MROH7: variants seen among roughly 807,000 people sequenced by gnomAD.
MROH7 encodes the protein maestro heat-like repeat-containing protein family member 7.
A neutral mutation model predicts 129.2 loss-of-function variants in MROH7; 113 were observed. The ratio of observed to expected loss-of-function variants is 0.87; its 90% CI spans 0.75 to 1.02. The LOEUF (loss-of-function observed/expected upper bound fraction) is 1.02, where lower values mean the gene tolerates loss of function less well. MROH7 is among the 50% of genes least tolerant of loss of function. The pLI is 0.00. For missense variants in MROH7, 1,601 were observed against 1,671.3 expected (o/e 0.96, Z 0.73); for synonymous variants, 655 against 667.9 (o/e 0.98, Z 0.30).
intron 15 of MROH7, among the ~76,000 whole-genome samples, chr1:54,689,847 A>C (rs988073616): frequency 1.3e-5 from 2 of 152,150 alleles, no homozygotes; most frequent in African/African-American, 2.4e-5. Context: ...CCATCACTCC[A>C]AAAAAATAAA....
At chr1:54,699,093 C>CTGCCTTTCTTTT (rs1406420741) in intron 17 of MROH7, 137 of 108,028 alleles carry the variant, frequency 1.3e-3, no homozygotes, top group African/African-American at 4.5e-3. Context: ...CTTGCCTGGC[C>CTGCCTTTCTTTT]TTTTCTTTCT....
chr1:54,702,307 T>TG, intron 20 of MROH7, 62 bp downstream of exon 20: 1 of 1,332,102 alleles, frequency 7.5e-7, no homozygotes, highest in Non-Finnish European at 9.8e-7. Context: ...CGCACCTCTT[T>TG]TTACGTTAAC....
intron 13 of MROH7, among the ~76,000 whole-genome samples, chr1:54,680,489 G>T (rs1389675139): frequency 1.3e-5 from 2 of 152,152 alleles, no homozygotes; most frequent in African/African-American, 4.8e-5. Context: ...TTAGGCAAAA[G>T]AAGGAAATGA....
At position 54,679,405 on chromosome 1, in the gene MROH7, T is replaced by A. The variant is rs1192220696; in HGVS notation, c.2192T>A (p.Val731Glu). The change falls in exon 12 of 24, where the codon GTG becomes GAG. Residue 731 changes from valine (V) to glutamate (E), a missense_variant. Coordinates refer to ENST00000421030, the MANE Select transcript of MROH7 (RefSeq NM_001039464.4). ...GCCTCGGAGGTCATGCTCAGCTCGG[T>A]GCTGGAGTGGTACCGCCACAGGGCG... ...QLASEVMLSS[V>E]LEWYRHRALE... The A allele has an allele frequency of 3.1e-6, 5 of 1,613,828 alleles. No homozygotes were observed. The highest frequency in any genetic ancestry group is 4.2e-6 in the Non-Finnish European group (5 of 1,179,978).
chr1:54,709,837 C>T, intron 23 of MROH7, 109 bp from the exon 24 acceptor site: 1 of 1,320,172 alleles, frequency 7.6e-7, no homozygotes, highest in South Asian at 1.4e-5. Context: ...TGAGGGGATG[C>T]CAAGCAGAGG....
At chr1:54,668,999 AC>A in intron 5 of MROH7, 62 bp downstream of exon 5, 1 of 1,286,728 alleles carries the variant, frequency 7.8e-7, no homozygotes, top group Non-Finnish European at 1.1e-6. Flanking sequence ...TCCTGAGTCC[AC>A]CCACTGATGA....
intron 7 of MROH7, among the ~76,000 whole-genome samples, chr1:54,671,271 G>A (rs56334720): frequency 5.1e-4 from 78 of 152,226 alleles, no homozygotes; most frequent in Non-Finnish European, 7.9e-4. Context: ...GTGGCAGCGG[G>A]CGCCTGTAGG....
At chr1:54,691,802 A>C (rs367818669) in intron 15 of MROH7, among the ~76,000 whole-genome samples, 2 of 90,768 alleles carry the variant, frequency 2.2e-5, no homozygotes, top group Non-Finnish European at 4.3e-5. Context: ...AAAAAAAAAA[A>C]AGTGTGTGTG....
In MROH7 at chr1:54,653,226, T is replaced by G. The variant is rs1478147462; in HGVS notation, c.300T>G (p.Cys100Trp). Reference sequence around the variant, plus strand: ...CCTCCCTCCAGATCACCAGTTCTTGTTCTGGTGAAGCCCTGGACCTGGATT... The same window carrying G: ...CCTCCCTCCAGATCACCAGTTCTTGGTCTGGTGAAGCCCTGGACCTGGATT... ...APASLQITSSCSGEALDLDSK... is the reference protein window; with the variant it reads ...APASLQITSSWSGEALDLDSK... Residue 100 changes from cysteine to tryptophan, a missense_variant, in exon 3 of 24, where the codon TGT (cysteine) becomes TGG (tryptophan). By Grantham distance (215) the Cys-to-Trp change is radical. Coordinates refer to ENST00000421030, the MANE Select transcript of MROH7 (RefSeq NM_001039464.4). 1 of 1,614,080 alleles carries G rather than the reference T, an allele frequency of 6.2e-7. No individual in the cohort carries two copies. Among genetic ancestry groups the G allele is most frequent in the African/African-American group, 1.3e-5 (1 of 74,936 alleles).
rs1553170497 is a variant in MROH7 at position 54,663,185 on chromosome 1, C to CAATT, written c.1232-1982_1232-1981insAATT. Among the ~76,000 whole-genome samples the CAATT allele has an allele frequency of 1.7e-4, 26 of 151,962 alleles. No homozygotes were observed. In the South Asian group the frequency reaches 2.1e-3, roughly 12 times the overall value. ...AATATCCCATTCCTCATCAAACTTT[C>CAATT]CATTTATTTATTTATTTATTTATTT... is the stretch of plus-strand genomic sequence containing the variant. On this transcript the variant is annotated intron_variant, in intron 3 of 23. Transcript: ENST00000421030.
intron 13 of MROH7, among the ~76,000 whole-genome samples, chr1:54,682,416 C>T (rs748619153): frequency 3.3e-5 from 5 of 152,124 alleles, no homozygotes; most frequent in Non-Finnish European, 7.4e-5. Context: ...GATCCACCCA[C>T]TTTGGCCTCC....
chr1:54,687,603 A>G (rs1258279148), intron 15 of MROH7, among the ~76,000 whole-genome samples: 1 of 152,188 alleles, frequency 6.6e-6, no homozygotes, highest in Non-Finnish European at 1.5e-5. Context: ...TCTGCATTAC[A>G]TGTTAAGGTG....
intron 19 of MROH7, 45 bp from the exon 20 acceptor site, chr1:54,702,045 G>A: frequency 6.7e-7 from 1 of 1,483,124 alleles, no homozygotes; most frequent in Middle Eastern, 1.8e-4. Context: ...GCAGTGAGTG[G>A]CGTCCCAGAG....
chr1:54,644,697 C>A (rs1342794094), intron 1 of MROH7, among the ~76,000 whole-genome samples: 1 of 151,482 alleles, frequency 6.6e-6, no homozygotes. Flanking sequence ...AAATGAGGTC[C>A]CACTGTGTTG....
intron 17 of MROH7, chr1:54,695,784 C>T: frequency 2.4e-6 from 1 of 417,600 alleles, no homozygotes. Flanking sequence ...TTGACTCTAC[C>T]CTGCCCTCAA....
intron 15 of MROH7, among the ~76,000 whole-genome samples, chr1:54,691,767 T>A (rs560310922): frequency 4.7e-4 from 70 of 149,446 alleles, no homozygotes; most frequent in Middle Eastern, 3.4e-3. Flanking sequence ...GATCGCACCA[T>A]TGCACTCCAG....
At chr1:54,680,102 C>A (rs951610446) in intron 13 of MROH7, 57 bp downstream of exon 13, 1 of 1,568,146 alleles carries the variant, frequency 6.4e-7, no homozygotes, top group Non-Finnish European at 8.7e-7. Context: ...GCAGCCCCCA[C>A]CCCAGGTTGG....
At chr1:54,677,720 T>G (rs991215135) in intron 10 of MROH7, among the ~76,000 whole-genome samples, 5 of 152,166 alleles carry the variant, frequency 3.3e-5, no homozygotes, top group African/African-American at 1.2e-4. Context: ...GGACCCAAGG[T>G]GGGCTGAAAT....
chr1:54,678,265 C>T (rs1367869889), intron 10 of MROH7, among the ~76,000 whole-genome samples: 3 of 152,164 alleles, frequency 2.0e-5, no homozygotes, highest in Non-Finnish European at 2.9e-5. Flanking sequence ...CTTAGCAGCA[C>T]GATGCTTAGT....
Sources: gnomAD v4.1 joint callset for allele counts (sites outside exome capture counted in the v4.1 genomes callset) on GRCh38, gnomAD v4.1.1 for gene constraint, MANE v1.5 for transcripts, NCBI Gene and HGNC (gene_info 2026-07-23, HGNC 2026-07-21) for gene names.